The following GLCCI1 variants were observed in gnomAD, a reference collection of about 807,000 sequenced individuals.
GLCCI1 encodes glucocorticoid induced 1.
A neutral mutation model predicts 52.2 loss-of-function variants in GLCCI1; 24 were observed. The observed-to-expected ratio is 0.46, with a 90% confidence interval of 0.33 to 0.65. The LOEUF (loss-of-function observed/expected upper bound fraction) is 0.65. Ranked by LOEUF, GLCCI1 falls within the 30% of genes least tolerant of loss-of-function variation. The probability of loss-of-function intolerance (pLI) is 0.02; values close to 1 mark genes in which losing one functional copy is unlikely to be tolerated. For missense variants in GLCCI1, 704 were observed against 701.5 expected, an observed-to-expected ratio of 1.00 and a Z score of -0.04; for synonymous variants, 310 against 276.5, an observed-to-expected ratio of 1.12 and a Z score of -1.20.
intron 2 of GLCCI1, among the ~76,000 whole-genome samples, chr7:8,022,039 A>G (rs1188270696): frequency 6.6e-6 from 1 of 152,228 alleles, no homozygotes; most frequent in Non-Finnish European, 1.5e-5. Context: ...CAGAAAAAGT[A>G]GTACAATCAG....
rs1308277071 is a variant in GLCCI1, at chr7:8,088,871, T to A, written c.*2333T>A. The A allele has an allele frequency of 6.5e-6, 1 of 152,684 alleles. No homozygotes were observed. Among genetic ancestry groups the A allele is most frequent in the East Asian group, 1.9e-4 (1 of 5,204 alleles). The allele number at this position is 152,684 out of a possible 1,614,324, so 9.5% of individuals were successfully genotyped here. A position where few individuals can be genotyped will look rare whatever the true frequency, so the allele number is the denominator to read the frequency against. ...TTTCCCAGAAGTTGTTGAGCTCAAA[T>A]GTATCCTACATCCAGCTGTAGAAAT... On this transcript the variant is annotated 3_prime_UTR_variant, in exon 8 of 8. Coordinates refer to ENST00000223145, the MANE Select transcript of GLCCI1 (RefSeq NM_138426.4).
chr7:7,971,595 C>G (rs1180312881), intron 1 of GLCCI1, among the ~76,000 whole-genome samples: 1 of 152,040 alleles, frequency 6.6e-6, no homozygotes, highest in East Asian at 1.9e-4. Flanking sequence ...CCATCTAGTA[C>G]CTCCTCCCCT....
intron 4 of GLCCI1, 39 bp from the exon 5 acceptor site, chr7:8,060,056 AC>A: frequency 6.4e-7 from 1 of 1,555,290 alleles, no homozygotes; most frequent in Non-Finnish European, 8.7e-7. Flanking sequence ...GATTGCTTTG[AC>A]CACAAATAAT....
intron 5 of GLCCI1, among the ~76,000 whole-genome samples, chr7:8,069,042 G>C (rs1782694887): frequency 6.6e-6 from 1 of 152,142 alleles, no homozygotes; most frequent in South Asian, 2.1e-4. Flanking sequence ...TCAGTGCTCT[G>C]AAAGTGTGGG....
chr7:7,991,445 G>T (rs746001184), intron 1 of GLCCI1, among the ~76,000 whole-genome samples: 4 of 151,888 alleles, frequency 2.6e-5, no homozygotes, highest in Non-Finnish European at 4.4e-5. Context: ...AGAATTAGAG[G>T]AATTATAGGC....
intron 1 of GLCCI1, among the ~76,000 whole-genome samples, chr7:7,997,018 G>A (rs1246632868): frequency 1.3e-5 from 2 of 152,130 alleles, no homozygotes; most frequent in African/African-American, 4.8e-5. Context: ...TTTGGCTAAT[G>A]TTTCATCATT....
At chr7:7,983,100 G>A (rs1780655665) in intron 1 of GLCCI1, among the ~76,000 whole-genome samples, 1 of 152,122 alleles carries the variant, frequency 6.6e-6, no homozygotes, top group East Asian at 1.9e-4. Flanking sequence ...AGTACGTGTT[G>A]TAGTTAACTT....
intron 2 of GLCCI1, among the ~76,000 whole-genome samples, chr7:8,004,985 G>A (rs889936925): frequency 2.6e-5 from 4 of 152,146 alleles, no homozygotes; most frequent in Non-Finnish European, 5.9e-5. Flanking sequence ...CTGTGAAATT[G>A]GCTTCTTCTT....
intron 1 of GLCCI1, among the ~76,000 whole-genome samples, chr7:7,988,253 G>A (rs1340729963): frequency 2.6e-5 from 4 of 152,166 alleles, no homozygotes; most frequent in African/African-American, 2.4e-5. Flanking sequence ...CTAGTGTTAC[G>A]TGTTTTAATG....
At chr7:8,070,266 G>A (rs1782727418) in intron 5 of GLCCI1, 1 of 152,156 alleles carries the variant, frequency 6.6e-6, no homozygotes, top group African/African-American at 2.4e-5. Flanking sequence ...TCAAACTAAG[G>A]AAGATTATGA....
intron 2 of GLCCI1, among the ~76,000 whole-genome samples, chr7:8,019,074 T>C (rs1008875475): frequency 2.0e-5 from 3 of 152,226 alleles, no homozygotes; most frequent in African/African-American, 7.2e-5. Context: ...TTCTTAATCA[T>C]CAGCTTTAAA....
chr7:8,002,598 T>C (rs890862895), intron 1 of GLCCI1, among the ~76,000 whole-genome samples: 1 of 152,212 alleles, frequency 6.6e-6, no homozygotes, highest in African/African-American at 2.4e-5. Context: ...CTTCTGTTTT[T>C]CTGGTAAACT....
At chr7:7,977,127 T>C (rs531041094) in intron 1 of GLCCI1, among the ~76,000 whole-genome samples, 230 of 152,318 alleles carry the variant, frequency 1.5e-3, no homozygotes, top group Non-Finnish European at 2.6e-3. Context: ...ACTTTTACAT[T>C]ACTAAAAAAT....
intron 6 of GLCCI1, among the ~76,000 whole-genome samples, chr7:8,084,067 T>C (rs931243521): frequency 1.3e-5 from 2 of 152,246 alleles, no homozygotes; most frequent in Non-Finnish European, 2.9e-5. Context: ...ATAGGACTAT[T>C]GTATACAAAC....
intron 1 of GLCCI1, among the ~76,000 whole-genome samples, chr7:7,986,063 C>G (rs928316254): frequency 6.6e-6 from 1 of 152,150 alleles, no homozygotes; most frequent in Non-Finnish European, 1.5e-5. Flanking sequence ...TTATAACTGT[C>G]TTTGGATATT....
Position 8,016,639 on chromosome 7 carries a change from T to G in GLCCI1, c.610-5844T>G, listed in dbSNP as rs140815136. Among the ~76,000 whole-genome samples the G allele has an allele frequency of 1.4e-4, 22 of 152,244 alleles. No homozygotes were observed. In the East Asian group the frequency reaches 4.0e-3, roughly 28 times the overall value. On this transcript the variant is annotated intron_variant, in intron 2 of 7. Transcript: ENST00000223145. ...GAGATACCATATTGTTAGGAACCAG[T>G]ATAAACTAAGGGAAAACTTTTCCAT...
chr7:8,040,970 C>G (rs1781985604), intron 3 of GLCCI1, among the ~76,000 whole-genome samples: 1 of 152,136 alleles, frequency 6.6e-6, no homozygotes, highest in Admixed American at 6.5e-5. Flanking sequence ...AGAGTCATAC[C>G]TCTCTCACAT....
chr7:7,990,076 C>T (rs1205096309), intron 1 of GLCCI1, among the ~76,000 whole-genome samples: 1 of 152,040 alleles, frequency 6.6e-6, no homozygotes, highest in Non-Finnish European at 1.5e-5. Context: ...CTGGAGCTAT[C>T]TGGCTTGGTG....
At chr7:8,085,901 T>C (rs3735457) in intron 7 of GLCCI1, among the ~76,000 whole-genome samples, 58,650 of 152,080 alleles carry the variant, frequency 0.39, 11,517 homozygotes, top group Middle Eastern at 0.51. Flanking sequence ...AATTATAATG[T>C]AGAAGACTTT....
Sources: gnomAD v4.1 joint callset for allele counts (sites outside exome capture counted in the v4.1 genomes callset) on GRCh38, gnomAD v4.1.1 for gene constraint, MANE v1.5 for transcripts, NCBI Gene and HGNC (gene_info 2026-07-23, HGNC 2026-07-21) for gene names.